TRIM69: variants seen among roughly 807,000 people sequenced by gnomAD.
The protein encoded by TRIM69 is tripartite motif containing 69.
TRIM69 carries 29 observed loss-of-function variants against 37.7 expected under a neutral mutation model. The ratio of observed to expected loss-of-function variants is 0.77; its 90% CI spans 0.57 to 1.05. The LOEUF (loss-of-function observed/expected upper bound fraction) is 1.05, where lower values mean the gene tolerates loss of function less well. Among genes scored for constraint, TRIM69 ranks in the 50% least tolerant of loss-of-function variants. TRIM69 has a pLI of 0.00. For synonymous variants in TRIM69, 209 were observed against 212.4 expected (o/e 0.98, Z 0.14); for missense variants, 596 against 579.9 (o/e 1.03, Z -0.28).
intron 1 of TRIM69, among the ~76,000 whole-genome samples, chr15:44,738,233 A>T (rs1311244354): frequency 9.0e-5 from 13 of 143,652 alleles, no homozygotes; most frequent in South Asian, 2.1e-4. Context: ...TAATTTTTGT[A>T]TTATTATTTT....
rs55736812 is a variant in TRIM69, at chr15:44,767,053, C to CA, written c.962-147dup. Among the ~76,000 whole-genome samples, 30 of 24,316 alleles carry CA rather than the reference C, an allele frequency of 1.2e-3. 4 individuals carry two copies. Among genetic ancestry groups the CA allele is most frequent in the East Asian group, 9.5e-3 (5 of 526 alleles). 16.0% of individuals were successfully genotyped at this position (24,316 alleles called of 152,430 possible). On this transcript the variant is annotated intron_variant, in intron 6 of 6. Coordinates refer to ENST00000329464, the MANE Select transcript of TRIM69 (RefSeq NM_182985.5). ...CAGCCCTGGGCAACCTTGTCTGCCTCAAAAAAAAAAAAAAAAAAAAAAAAA... is the reference window on the plus strand; with the variant it reads ...CAGCCCTGGGCAACCTTGTCTGCCTCAAAAAAAAAAAAAAAAAAAAAAAAAA...
chr15:44,750,950 CTTTTTTTTTTT>C (rs71111890), intron 1 of TRIM69, among the ~76,000 whole-genome samples: 10 of 33,552 alleles, frequency 3.0e-4, no homozygotes, highest in Non-Finnish European at 4.6e-4. Context: ...TTTCTTTTGC[CTTTTTTTTTTT>C]TTTTTTTTTT....
chr15:44,760,268 G>A (rs2087748310), intron 6 of TRIM69, among the ~76,000 whole-genome samples: 1 of 152,132 alleles, frequency 6.6e-6, no homozygotes, highest in African/African-American at 2.4e-5. Flanking sequence ...TGTGCTTGAT[G>A]TTCATAGCGT....
At chr15:44,756,220 C>T (rs573923012) in intron 2 of TRIM69, 148 bp from the exon 3 acceptor site, 11 of 564,070 alleles carry the variant, frequency 2.0e-5, no homozygotes, top group Middle Eastern at 4.8e-4. Flanking sequence ...AATTCTTGAA[C>T]GAGACAAGAA....
At chr15:44,767,039 A>G (rs2087902670) in intron 6 of TRIM69, among the ~76,000 whole-genome samples, 192 bp from the exon 7 acceptor site, 1 of 104,046 alleles carries the variant, frequency 9.6e-6, no homozygotes, top group African/African-American at 3.8e-5. Flanking sequence ...AGCCCTGGGC[A>G]ACCTTGTCTG....
chr15:44,744,857 C>G (rs570091826), intron 1 of TRIM69, among the ~76,000 whole-genome samples: 4 of 152,200 alleles, frequency 2.6e-5, no homozygotes, highest in Admixed American at 2.6e-4. Flanking sequence ...GATGGCTACC[C>G]TGGAGGTATA....
chr15:44,741,919 G>A (rs1394239756), intron 1 of TRIM69, among the ~76,000 whole-genome samples: 15 of 152,240 alleles, frequency 9.9e-5, no homozygotes, highest in African/African-American at 2.6e-4. Context: ...TCCTTCTGAA[G>A]CTATTCCAAT....
chr15:44,737,112 T>G (rs879514963), intron 1 of TRIM69, among the ~76,000 whole-genome samples: 2 of 152,206 alleles, frequency 1.3e-5, no homozygotes, highest in Non-Finnish European at 2.9e-5. Context: ...TTAATTGAAT[T>G]CTTCCTTTAA....
intron 6 of TRIM69, among the ~76,000 whole-genome samples, chr15:44,763,903 T>C (rs1380047322): frequency 6.6e-6 from 1 of 152,172 alleles, no homozygotes; most frequent in Admixed American, 6.5e-5. Context: ...CTACCTGACG[T>C]TGACATATTA....
chr15:44,742,882 A>G (rs1347302755), intron 1 of TRIM69, among the ~76,000 whole-genome samples: 1 of 151,438 alleles, frequency 6.6e-6, no homozygotes, highest in Non-Finnish European at 1.5e-5. Flanking sequence ...GAAAATGGCC[A>G]TACTGCCCAA....
rs1375955762 is a variant in TRIM69, at chr15:44,755,215, T to A, written c.322T>A (p.Leu108Ile). 1.9e-6 allele frequency: 3 copies of A among 1,614,060 alleles called. No homozygotes were observed. The African/African-American group carries it at 4.0e-5, about 22-fold the overall frequency. The change falls in exon 2 of 7, where the codon TTA (leucine) becomes ATA (isoleucine). Residue 108 changes from leucine (L) to isoleucine (I), a missense_variant. Physicochemically the swap from Leu to Ile is conservative, Grantham distance 5 (BLOSUM62 2). Coordinates refer to ENST00000329464, the MANE Select transcript of TRIM69 (RefSeq NM_182985.5). ...GGTAGAGAAGATTAAGAAGTTACCC[T>A]TACTCAAGGGCCATCCACAGTGCCC... ...KLVEKIKKLPLLKGHPQCPEH... is the reference protein window; with the variant it reads ...KLVEKIKKLPILKGHPQCPEH...
chr15:44,756,381 T>C lies in TRIM69; in HGVS notation c.497T>C (p.Ile166Thr), dbSNP rs1161775991. 6.5e-7 allele frequency: 1 copy of C among 1,550,162 alleles called. No homozygotes were observed. Among genetic ancestry groups the C allele is most frequent in the Non-Finnish European group, 8.7e-7 (1 of 1,146,444 alleles). The change falls in exon 3 of 7, where the codon ATC becomes ACC. Residue 166 changes from isoleucine (I) to threonine (T), a missense_variant. Coordinates refer to ENST00000329464, the MANE Select transcript of TRIM69 (RefSeq NM_182985.5). Reference sequence around the variant, plus strand: ...TGATATTCCCAGGAGGAGCTTGCCATCCAACAGGGTCAACTGGAGACAACT... The same window carrying C: ...TGATATTCCCAGGAGGAGCTTGCCACCCAACAGGGTCAACTGGAGACAACT... ...AVHFFTEELAIQQGQLETTLK... is the reference protein window; with the variant it reads ...AVHFFTEELATQQGQLETTLK...
intron 1 of TRIM69, among the ~76,000 whole-genome samples, chr15:44,745,908 G>A (rs1374344490): frequency 6.6e-6 from 1 of 152,166 alleles, no homozygotes; most frequent in Non-Finnish European, 1.5e-5. Context: ...AAACCTGTGG[G>A]ACTGTTATGC....
intron 1 of TRIM69, among the ~76,000 whole-genome samples, chr15:44,739,606 C>T (rs895364859): frequency 3.3e-5 from 5 of 152,328 alleles, no homozygotes; most frequent in Middle Eastern, 3.4e-3. Context: ...GGGCCCTACG[C>T]CCATGGAGTC....
chr15:44,739,660 G>A lies in TRIM69; in HGVS notation c.6+2950G>A, dbSNP rs369650899. 9.9e-5 allele frequency among the ~76,000 whole-genome samples: 15 copies of A among 152,276 alleles called. No homozygotes were observed. The East Asian group carries it at 1.2e-3, about 12-fold the overall frequency. ...GCAGTCTGAGATCAAACTGCAAGGCGGCAGCGAGGCTGTGGGAGGGGCGCC... is the reference window on the plus strand; with the variant it reads ...GCAGTCTGAGATCAAACTGCAAGGCAGCAGCGAGGCTGTGGGAGGGGCGCC... On this transcript the variant is annotated intron_variant, in intron 1 of 6. Coordinates refer to ENST00000329464, the MANE Select transcript of TRIM69 (RefSeq NM_182985.5).
intron 6 of TRIM69, among the ~76,000 whole-genome samples, chr15:44,762,459 C>A (rs909718032): frequency 6.6e-6 from 1 of 151,896 alleles, no homozygotes; most frequent in Non-Finnish European, 1.5e-5. Flanking sequence ...TTTACCAACC[C>A]CTTTTCTCCT....
At chr15:44,748,245 A>C (rs1407173769) in intron 1 of TRIM69, among the ~76,000 whole-genome samples, 1 of 152,222 alleles carries the variant, frequency 6.6e-6, no homozygotes, top group Non-Finnish European at 1.5e-5. Context: ...AGTAGAAGCT[A>C]GGGACTTCTA....
chr15:44,767,603 T>C lies in TRIM69; in HGVS notation c.1334T>C (p.Ile445Thr). 2 of 1,614,206 alleles carry C rather than the reference T, an allele frequency of 1.2e-6. No homozygotes were observed. The highest frequency in any genetic ancestry group is 8.5e-7 in the Non-Finnish European group (1 of 1,180,044). The change falls in exon 7 of 7, where the codon ATA becomes ACA. Residue 445 changes from isoleucine to threonine, a missense_variant. Coordinates refer to ENST00000329464, the MANE Select transcript of TRIM69 (RefSeq NM_182985.5). ...ACTAACAACCTCGACAAGGTGGGCATATACCTGGATTATGAAGGAGGACAG... is the reference window on the plus strand; with the variant it reads ...ACTAACAACCTCGACAAGGTGGGCACATACCTGGATTATGAAGGAGGACAG... Reference protein sequence around the residue: ...TLTNNLDKVGIYLDYEGGQLS... With the variant: ...TLTNNLDKVGTYLDYEGGQLS...
At chr15:44,761,618 C>T (rs1041240476) in intron 6 of TRIM69, among the ~76,000 whole-genome samples, 9 of 152,158 alleles carry the variant, frequency 5.9e-5, no homozygotes, top group Admixed American at 4.6e-4. Context: ...GCGCGCACTG[C>T]CATGCCTAGC....
Sources: allele counts gnomAD v4.1 joint callset (sites outside exome capture counted in the v4.1 genomes callset), GRCh38; gene constraint gnomAD v4.1.1; transcripts MANE v1.5; gene names NCBI Gene and HGNC (gene_info 2026-07-23, HGNC 2026-07-21).